Variants in RERG observed in about 807,000 individuals in gnomAD.
The protein encoded by RERG is ras-related and estrogen-regulated growth inhibitor.
RERG carries 25 observed loss-of-function variants against 23.2 expected under a neutral mutation model. The ratio of observed to expected loss-of-function variants is 1.08; its 90% CI spans 0.79 to 1.50. The LOEUF (loss-of-function observed/expected upper bound fraction) is 1.50. RERG is among the 40% of genes most tolerant of loss of function. The pLI, the probability that RERG is intolerant of heterozygous loss-of-function variation, is 0.00. For missense variants in RERG, 253 were observed against 250.1 expected (o/e 1.01, Z -0.08); for synonymous variants, 81 against 89.1 (o/e 0.91, Z 0.51).
chr12:15,118,928 C>A (rs1863781032), intron 3 of RERG, among the ~76,000 whole-genome samples: 1 of 152,104 alleles, frequency 6.6e-6, no homozygotes, highest in Admixed American at 6.6e-5. Flanking sequence ...AATGCAGTAG[C>A]CATGTATTCA....
chr12:15,161,925 C>T (rs1462066934), intron 2 of RERG, among the ~76,000 whole-genome samples: 2 of 152,086 alleles, frequency 1.3e-5, no homozygotes, highest in Non-Finnish European at 2.9e-5. Flanking sequence ...TCTTATGAAG[C>T]TTAAATAATT....
chr12:15,221,149 G>C (rs1387365035), intron 1 of RERG, 46 bp downstream of exon 1: 1 of 152,270 alleles, frequency 6.6e-6, no homozygotes, highest in African/African-American at 2.4e-5. Context: ...TGGGTCTGCA[G>C]GAAGTCGTCC....
At chr12:15,171,802 C>T (rs1343535781) in intron 2 of RERG, among the ~76,000 whole-genome samples, 2 of 152,110 alleles carry the variant, frequency 1.3e-5, no homozygotes, top group Non-Finnish European at 2.9e-5. Context: ...TGACTACATG[C>T]TACCTAAAAT....
intron 2 of RERG, among the ~76,000 whole-genome samples, chr12:15,146,329 T>C (rs1462675133): frequency 1.3e-5 from 2 of 152,342 alleles, no homozygotes; most frequent in South Asian, 4.1e-4. Context: ...TACTGTATTA[T>C]GTTATTTTAT....
rs373615486 is a variant in RERG at position 15,109,547 on chromosome 12, G to C, written c.193-30C>G. ...TGGCAAAGAAAAATGGCCGTCAAGA[G>C]ACCTGGAAATAATCAAAATATATGG... On this transcript the variant is annotated intron_variant, in intron 4 of 4. Transcript: ENST00000256953. 1.6e-5 allele frequency: 25 copies of C among 1,537,652 alleles called. No individual in the cohort carries two copies. The African/African-American group carries it at 3.3e-4, about 20-fold the overall frequency.
intron 2 of RERG, among the ~76,000 whole-genome samples, chr12:15,144,504 AAGT>A (rs1480726152): frequency 1.3e-5 from 2 of 152,170 alleles, no homozygotes; most frequent in Non-Finnish European, 2.9e-5. Flanking sequence ...AAAACCAGGA[AAGT>A]TTAGAATTCT....
chr12:15,218,225 A>G lies in RERG; in HGVS notation c.-114-622T>C, dbSNP rs150011401. Among the ~76,000 whole-genome samples, 18 of 152,308 alleles carry G rather than the reference A, an allele frequency of 1.2e-4. No homozygotes were observed. In the East Asian group the frequency reaches 3.5e-3, roughly 29 times the overall value. ...CAATGCCCTGGTACAAAAACGATAA[A>G]TGCCATGCTCCAAGTTATTCCTTTT... On this transcript the variant is annotated intron_variant, in intron 1 of 4. Coordinates refer to ENST00000256953, the MANE Select transcript of RERG (RefSeq NM_032918.3).
Position 15,194,267 on chromosome 12 carries a change from C to A in RERG, c.61+23162G>T, listed in dbSNP as rs1031894493. Among the ~76,000 whole-genome samples the A allele has an allele frequency of 1.2e-4, 19 of 152,048 alleles. 1 individual carries two copies. Among genetic ancestry groups the A allele is most frequent in the Non-Finnish European group, 7.4e-5 (5 of 67,986 alleles). On this transcript the variant is annotated intron_variant, in intron 2 of 4. Coordinates refer to ENST00000256953, the MANE Select transcript of RERG (RefSeq NM_032918.3). ...GTTTCCTTCAACAGCACATTCCAGG[C>A]CTTGCTGTTAGGGAGCAAAGGCAAG...
chr12:15,211,972 GAGGCT>G (rs1291078764), intron 2 of RERG, among the ~76,000 whole-genome samples: 12 of 151,176 alleles, frequency 7.9e-5, no homozygotes, highest in Non-Finnish European at 1.6e-4. Flanking sequence ...ATGCACAGCC[GAGGCT>G]ACTTCTTATA....
intron 2 of RERG, among the ~76,000 whole-genome samples, chr12:15,206,569 C>A (rs1041046744): frequency 6.6e-6 from 1 of 152,132 alleles, no homozygotes; most frequent in African/African-American, 2.4e-5. Flanking sequence ...AATACAAATT[C>A]TCTGGCTTCG....
Position 15,110,463 on chromosome 12 carries a change from C to CTTTCTTTT in RERG, c.192+880_192+881insAAAAGAAA, listed in dbSNP as rs1863586835. Among the ~76,000 whole-genome samples, 28 of 73,152 alleles carry CTTTCTTTT rather than the reference C, an allele frequency of 3.8e-4. 1 individual carries two copies. The highest frequency in any genetic ancestry group is 5.1e-4 in the Non-Finnish European group (21 of 41,070). 48.0% of individuals were successfully genotyped at this position (73,152 alleles called of 152,430 possible). A position where few individuals can be genotyped will look rare whatever the true frequency, so the allele number is the denominator to read the frequency against. On this transcript the variant is annotated intron_variant, in intron 4 of 4. Transcript: ENST00000256953. ...CTGTCATTCCAGTGGCCATTTTTTTCTTTTTTTTTTTTTTTTTTTTTTTTT... is the reference window on the plus strand; with the variant it reads ...CTGTCATTCCAGTGGCCATTTTTTTCTTTCTTTTTTTTTTTTTTTTTTTTTTTTTTTTT...
intron 2 of RERG, among the ~76,000 whole-genome samples, chr12:15,144,591 T>A (rs1430573988): frequency 6.6e-6 from 1 of 152,148 alleles, no homozygotes; most frequent in East Asian, 1.9e-4. Flanking sequence ...ATAAACACGA[T>A]GAGAACTGGG....
Position 15,109,301 on chromosome 12 carries a change from C to G in RERG, c.409G>C (p.Ala137Pro), listed in dbSNP as rs768629192. ...TAAAAAGCACAAGCCAATTCTGTGG[C>G]CAGCTTCTCTCCTTCTTCTGTGCTA... The part of the protein sequence containing the change: ...QVSTEEGEKL[A>P]TELACAFYEC... The change falls in exon 5 of 5, where the codon GCC becomes CCC. Residue 137 changes from alanine to proline, a missense_variant. By Grantham distance (27) the Ala-to-Pro change is conservative. Transcript: ENST00000256953. 2 of 1,614,092 alleles carry G rather than the reference C, an allele frequency of 1.2e-6. No individual in the cohort carries two copies. Among genetic ancestry groups the G allele is most frequent in the Non-Finnish European group, 1.7e-6 (2 of 1,179,970 alleles).
chr12:15,214,023 TGTGTGTGTGTGTGTGCGC>T (rs1362512407), intron 2 of RERG, among the ~76,000 whole-genome samples: 9,398 of 138,310 alleles, frequency 0.068, 899 homozygotes, highest in African/African-American at 0.21. Context: ...TGTGTGTGTG[TGTGTGTGTGTGTGTGCGC>T]GTGTGTGGAG....
At chr12:15,169,113 A>G (rs1026495591) in intron 2 of RERG, among the ~76,000 whole-genome samples, 5 of 152,238 alleles carry the variant, frequency 3.3e-5, no homozygotes, top group African/African-American at 7.2e-5. Context: ...GAAATGAATG[A>G]TAAGTGCAAA....
At chr12:15,122,892 G>A (rs1018224805) in intron 2 of RERG, among the ~76,000 whole-genome samples, 5 of 150,348 alleles carry the variant, frequency 3.3e-5, no homozygotes, top group Non-Finnish European at 5.9e-5. Context: ...TCCACCTTTC[G>A]GGTTCAAGCA....
At chr12:15,186,148 T>A (rs1258876818) in intron 2 of RERG, among the ~76,000 whole-genome samples, 1 of 151,906 alleles carries the variant, frequency 6.6e-6, no homozygotes, top group African/African-American at 2.4e-5. Context: ...TTTTACCAAA[T>A]CTTAGAGGAA....
intron 2 of RERG, among the ~76,000 whole-genome samples, chr12:15,193,247 G>A (rs994746883): frequency 2.0e-5 from 3 of 152,066 alleles, no homozygotes; most frequent in African/African-American, 7.2e-5. Context: ...TATTTGTTTC[G>A]GTATGGCCTC....
At chr12:15,116,168 T>C (rs1471265868) in intron 3 of RERG, among the ~76,000 whole-genome samples, 1 of 152,234 alleles carries the variant, frequency 6.6e-6, no homozygotes, top group Non-Finnish European at 1.5e-5. Context: ...GATTTTCTTT[T>C]TTCATCTTCA....
Sources: gnomAD v4.1 joint callset for allele counts (sites outside exome capture counted in the v4.1 genomes callset) on GRCh38, gnomAD v4.1.1 for gene constraint, MANE v1.5 for transcripts, NCBI Gene and HGNC (gene_info 2026-07-23, HGNC 2026-07-21) for gene names.